Variants in CYP3A43 observed in about 807,000 individuals in gnomAD.
CYP3A43 encodes cytochrome P450 family 3 subfamily A member 43.
In CYP3A43, 45 loss-of-function variants were observed where a neutral mutation model predicts 58.0. The observed-to-expected ratio is 0.78, with a 90% CI of 0.61 to 0.99. The LOEUF (loss-of-function observed/expected upper bound fraction) is 0.99, where lower values mean the gene tolerates loss of function less well. Ranked by LOEUF, CYP3A43 falls within the 50% of genes least tolerant of loss-of-function variation. The pLI, the probability that CYP3A43 is intolerant of heterozygous loss-of-function variation, is 0.00. For missense variants in CYP3A43, 593 were observed against 591.9 expected (o/e 1.00, Z -0.02); for synonymous variants, 191 against 201.4 (o/e 0.95, Z 0.44).
At chr7:99,850,132 T>A (rs1817701713) in intron 7 of CYP3A43, 1 of 358,654 alleles carries the variant, frequency 2.8e-6, no homozygotes, top group Admixed American at 3.7e-5. Context: ...AATTTTTGTA[T>A]TTTTAGTAGA....
chr7:99,844,994 G>A (rs1245164470), intron 4 of CYP3A43, among the ~76,000 whole-genome samples: 2 of 151,684 alleles, frequency 1.3e-5, no homozygotes, highest in East Asian at 1.9e-4. Flanking sequence ...GCTTGAACCC[G>A]GGAGGCAGAG....
chr7:99,851,197 C>G (rs1817748861), intron 7 of CYP3A43, among the ~76,000 whole-genome samples: 1 of 152,100 alleles, frequency 6.6e-6, no homozygotes, highest in African/African-American at 2.4e-5. Flanking sequence ...TTTGCTTATC[C>G]ATTCATAGTT....
At chr7:99,830,527 A>T (rs974862145) in intron 1 of CYP3A43, among the ~76,000 whole-genome samples, 1 of 152,204 alleles carries the variant, frequency 6.6e-6, no homozygotes, top group Admixed American at 6.5e-5. Flanking sequence ...TAAAAGAAAA[A>T]AAAAAGAAAA....
intron 2 of CYP3A43, among the ~76,000 whole-genome samples, chr7:99,838,441 C>T (rs1192088894): frequency 2.6e-5 from 4 of 152,242 alleles, no homozygotes; most frequent in African/African-American, 9.6e-5. Flanking sequence ...GACACTCACT[C>T]ACTTTCCGTC....
intron 1 of CYP3A43, among the ~76,000 whole-genome samples, chr7:99,835,709 A>G (rs1584199285): frequency 6.6e-6 from 1 of 152,200 alleles, no homozygotes; most frequent in African/African-American, 2.4e-5. Flanking sequence ...AGTTTTGACT[A>G]TGGTATTCCT....
At chr7:99,838,899 G>A (rs1419185630) in intron 2 of CYP3A43, 1 of 597,898 alleles carries the variant, frequency 1.7e-6, no homozygotes, top group Non-Finnish European at 2.8e-6. Flanking sequence ...AGAAGAGCTT[G>A]AACCCAGAAG....
At chr7:99,851,947 T>G (rs1817778472) in intron 7 of CYP3A43, among the ~76,000 whole-genome samples, 1 of 152,238 alleles carries the variant, frequency 6.6e-6, no homozygotes, top group African/African-American at 2.4e-5. Context: ...CTCTTCTGTT[T>G]AGGTCTTCGA....
chr7:99,836,461 C>T lies in CYP3A43; in HGVS notation c.80C>T (p.Thr27Ile). 1 of 1,611,676 alleles carries T rather than the reference C, an allele frequency of 6.2e-7. No individual in the cohort carries two copies. The highest frequency in any genetic ancestry group is 8.5e-7 in the Non-Finnish European group (1 of 1,178,974). The change falls in exon 2 of 13, where the codon ACC (threonine) becomes ATC (isoleucine). Residue 27 changes from threonine (T) to isoleucine (I), a missense_variant. Coordinates refer to ENST00000354829, the MANE Select transcript of CYP3A43 (RefSeq NM_057095.3). ...TCTCTTTTATTTTATAGTTATGGGA[C>T]CCATTCACATAAACTTTTTAAGAAG... Reference protein sequence around the residue: ...TSLVLLYIYGTHSHKLFKKLG... With the variant: ...TSLVLLYIYGIHSHKLFKKLG...
rs553729503 is a variant in CYP3A43 at position 99,831,112 on chromosome 7, C to T, written c.71+2926C>T. On this transcript the variant is annotated intron_variant, in intron 1 of 12. Transcript: ENST00000354829. ...AACTGGAAACCCAAGAGGTTATTTT[C>T]GATGTGTGAGTAGGAAAAGATCCCC... is the stretch of plus-strand genomic sequence containing the variant. Among the ~76,000 whole-genome samples the T allele has an allele frequency of 4.6e-5, 7 of 152,272 alleles. No individual in the cohort carries two copies. The South Asian group carries it at 8.3e-4, about 18-fold the overall frequency.
chr7:99,857,939 TTGTC>T (rs1325462993), intron 9 of CYP3A43, among the ~76,000 whole-genome samples: 2 of 152,142 alleles, frequency 1.3e-5, no homozygotes, highest in African/African-American at 2.4e-5. Context: ...CTTCATCTAC[TTGTC>T]TATCTATGTG....
At chr7:99,848,114 C>A (rs749959233) in intron 5 of CYP3A43, 52 bp from the exon 6 acceptor site, 69 of 1,563,510 alleles carry the variant, frequency 4.4e-5, no homozygotes, top group Non-Finnish European at 5.8e-5. Flanking sequence ...AAAGCCATGT[C>A]CTTCTGAGAC....
intron 2 of CYP3A43, 105 bp from the exon 3 acceptor site, chr7:99,839,015 G>T (rs1199885869): frequency 7.6e-7 from 1 of 1,309,488 alleles, no homozygotes; most frequent in South Asian, 1.2e-5. Flanking sequence ...ATGGTAGCAA[G>T]CCTAATGGTA....
chr7:99,855,416 TTGG>T, intron 7 of CYP3A43, 172 bp from the exon 8 acceptor site: 3 of 732,316 alleles, frequency 4.1e-6, no homozygotes, highest in South Asian at 4.2e-5. Context: ...TGCTCAGCCA[TTGG>T]CATGGAAGAG....
intron 7 of CYP3A43, among the ~76,000 whole-genome samples, chr7:99,854,394 A>G (rs1395005445): frequency 6.6e-6 from 1 of 151,736 alleles, no homozygotes; most frequent in African/African-American, 2.4e-5. Context: ...TTTAGTAGGG[A>G]CGGGGTTTTG....
intron 4 of CYP3A43, among the ~76,000 whole-genome samples, chr7:99,846,593 A>G (rs1817550122): frequency 1.3e-5 from 2 of 152,096 alleles, no homozygotes; most frequent in Non-Finnish European, 2.9e-5. Flanking sequence ...CATCTATAGC[A>G]CTGAGACATC....
intron 2 of CYP3A43, 103 bp from the exon 3 acceptor site, chr7:99,839,017 C>G: frequency 7.5e-7 from 1 of 1,332,444 alleles, no homozygotes; most frequent in Non-Finnish European, 1.1e-6. Flanking sequence ...GGTAGCAAGC[C>G]TAATGGTAGC....
chr7:99,863,580 A>G lies in CYP3A43; in HGVS notation c.1297A>G (p.Ile433Val), dbSNP rs1818327297. ...GGACAGCATAGATCTTTACAGATAC[A>G]TACCTTTTGGAGCTGGACCCCGAAA... ...NKDSIDLYRYIPFGAGPRNCI... is the reference protein window; with the variant it reads ...NKDSIDLYRYVPFGAGPRNCI... Residue 433 changes from isoleucine to valine, a missense_variant, in exon 12 of 13, where the codon ATA becomes GTA. Ile to Val is a conservative substitution (Grantham distance 29). Coordinates refer to ENST00000354829, the MANE Select transcript of CYP3A43 (RefSeq NM_057095.3). 1 of 1,613,894 alleles carries G rather than the reference A, an allele frequency of 6.2e-7. No homozygotes were observed.
At chr7:99,830,202 CT>C (rs1402047460) in intron 1 of CYP3A43, among the ~76,000 whole-genome samples, 1 of 152,174 alleles carries the variant, frequency 6.6e-6, no homozygotes, top group Non-Finnish European at 1.5e-5. Context: ...CTTGAGCCCC[CT>C]CCCTATAATC....
At chr7:99,857,646 C>T (rs2151621000) in intron 9 of CYP3A43, among the ~76,000 whole-genome samples, 2 of 152,220 alleles carry the variant, frequency 1.3e-5, no homozygotes, top group Middle Eastern at 6.8e-3. Context: ...AGTTCGAGAC[C>T]AGCCTGGCCA....
Sources: gnomAD v4.1 joint callset for allele counts (sites outside exome capture counted in the v4.1 genomes callset) on GRCh38, gnomAD v4.1.1 for gene constraint, MANE v1.5 for transcripts, NCBI Gene and HGNC (gene_info 2026-07-23, HGNC 2026-07-21) for gene names.